POMT2: variants seen among roughly 807,000 people sequenced by gnomAD.
POMT2 encodes the protein protein O-mannosyl-transferase 2.
Under a neutral mutation model 100.0 loss-of-function variants are expected in POMT2, and 75 were observed. The observed-to-expected ratio is 0.75, with a 90% CI of 0.62 to 0.91. The LOEUF is 0.91. POMT2 is among the 40% of genes least tolerant of loss of function. The pLI is 0.00. For synonymous variants in POMT2, 378 were observed against 374.1 expected (o/e 1.01, Z -0.12); for missense variants, 940 against 955.1 (o/e 0.98, Z 0.21).
Position 77,278,764 on chromosome 14 carries a change from T to C in POMT2, c.1997A>G (p.Tyr666Cys), listed in dbSNP as rs200198778. Reference sequence around the variant, plus strand: ...GCTTGAGAAGAGCATGGCTGGGAAGTAGTGGTGGAAGTAGAGGACCCGGCC... The same window carrying C: ...GCTTGAGAAGAGCATGGCTGGGAAGCAGTGGTGGAAGTAGAGGACCCGGCC... ...LMGRVLYFHH[Y>C]FPAMLFSSML... The change falls in exon 19 of 21, where the codon TAC becomes TGC. Residue 666 changes from tyrosine (Y) to cysteine (C), a missense_variant. Transcript: ENST00000261534. 152 of 1,613,574 alleles carry C rather than the reference T, an allele frequency of 9.4e-5. No homozygotes were observed. Among genetic ancestry groups the C allele is most frequent in the Non-Finnish European group, 1.2e-4 (136 of 1,179,876 alleles).
intron 2 of POMT2, among the ~76,000 whole-genome samples, chr14:77,307,112 T>A (rs942931358): frequency 1.3e-5 from 2 of 152,242 alleles, no homozygotes; most frequent in African/African-American, 4.8e-5. Context: ...ATCGGCCGTG[T>A]CTTTTGTATA....
intron 8 of POMT2, 69 bp downstream of exon 8, chr14:77,298,620 G>T: frequency 1.3e-6 from 2 of 1,533,346 alleles, no homozygotes; most frequent in South Asian, 1.1e-5. Flanking sequence ...CATCATATTT[G>T]TCTTTTCCAA....
intron 9 of POMT2, among the ~76,000 whole-genome samples, chr14:77,295,775 T>C (rs1353440871): frequency 6.6e-6 from 1 of 152,076 alleles, no homozygotes; most frequent in Non-Finnish European, 1.5e-5. Context: ...CCACACTTTA[T>C]TCATCACCCA....
chr14:77,315,326 A>C (rs1241974314), intron 1 of POMT2, among the ~76,000 whole-genome samples: 1 of 151,642 alleles, frequency 6.6e-6, no homozygotes, highest in African/African-American at 2.4e-5. Flanking sequence ...GCTTCTCCCC[A>C]CTCCCTGCAG....
Position 77,312,014 on chromosome 14 carries a change from C to G in POMT2, c.268G>C (p.Gly90Arg). The G allele has an allele frequency of 6.2e-7, 1 of 1,613,868 alleles. No homozygotes were observed. The highest frequency in any genetic ancestry group is 1.1e-5 in the South Asian group (1 of 91,044). ...PHICWDETHF[G>R]KMGSYYINRT... ...TTGATATAGTAACTTCCCATTTTTCCAAAGTGAGTCTCATCCCAACTAAAG... is the reference window on the plus strand; with the variant it reads ...TTGATATAGTAACTTCCCATTTTTCGAAAGTGAGTCTCATCCCAACTAAAG... The change falls in exon 2 of 21, where the codon GGA (glycine) becomes CGA (arginine). Residue 90 changes from glycine to arginine, a missense_variant. Physicochemically the swap from Gly to Arg is moderately radical, Grantham distance 125. Transcript: ENST00000261534.
In POMT2 at chr14:77,277,405, G is replaced by A. The variant is rs750378912; in HGVS notation, c.2224C>T (p.Leu742=). ...AAGTCCCATGAGTCCAGCCACCTTAGTCCTGCCATTGGACTTTGGGGGTCC... is the reference window on the plus strand; with the variant it reads ...AAGTCCCATGAGTCCAGCCACCTTAATCCTGCCATTGGACTTTGGGGGTCC... ...AQDPQSPMAG[L]RWLDSWDF The change falls in exon 21 of 21, where the codon CTA becomes TTA. Residue 742 remains leucine, a synonymous_variant. Coordinates refer to ENST00000261534, the MANE Select transcript of POMT2 (RefSeq NM_013382.7). The A allele has an allele frequency of 6.2e-7, 1 of 1,613,908 alleles. No individual in the cohort carries two copies.
chr14:77,282,018 A>G (rs77071473), intron 15 of POMT2, among the ~76,000 whole-genome samples: 8,173 of 152,306 alleles, frequency 0.054, 274 homozygotes, highest in South Asian at 0.081. Flanking sequence ...CCAGGGCATC[A>G]GACACAAAGG....
chr14:77,291,480 G>C (rs540202005), intron 9 of POMT2, 100 bp from the exon 10 acceptor site: 2 of 1,503,028 alleles, frequency 1.3e-6, no homozygotes, highest in South Asian at 2.4e-5. Flanking sequence ...AACCAATGTT[G>C]CTTAAGCCAA....
In POMT2 at chr14:77,277,486, G is replaced by A. The variant is rs1339982041; in HGVS notation, c.2148-5C>T. 1 of 1,605,352 alleles carries A rather than the reference G, an allele frequency of 6.2e-7. No individual in the cohort carries two copies. The highest frequency in any genetic ancestry group is 8.5e-7 in the Non-Finnish European group (1 of 1,172,026). On this transcript the variant is annotated splice_region_variant and splice_polypyrimidine_tract_variant and intron_variant, in intron 20 of 20. Transcript: ENST00000261534. Reference sequence around the variant, plus strand: ...AGAGGGTGGAAGAGGTAGAAGCTGTGAGAGAGAACCAGTAGGAGGCAGTTG... The same window carrying A: ...AGAGGGTGGAAGAGGTAGAAGCTGTAAGAGAGAACCAGTAGGAGGCAGTTG...
chr14:77,288,442 G>A (rs956425531), intron 11 of POMT2, among the ~76,000 whole-genome samples: 5 of 152,112 alleles, frequency 3.3e-5, no homozygotes, highest in Admixed American at 6.5e-5. Context: ...AGGCTGAAGC[G>A]GGAGGATCGC....
At chr14:77,315,317 C>G (rs1044011726) in intron 1 of POMT2, among the ~76,000 whole-genome samples, 3 of 152,184 alleles carry the variant, frequency 2.0e-5, no homozygotes, top group Non-Finnish European at 4.4e-5. Context: ...GCAGAAAAAG[C>G]TTCTCCCCAC....
rs536738775 is a variant in POMT2 at position 77,276,740 on chromosome 14, G to A, written c.*636C>T. The stretch of plus-strand genomic sequence containing the variant: ...AAGTCCAGCTACCTGCAGCCACTGG[G>A]GGGCATGGTGGGAGCCAGGCCCTCC... On this transcript the variant is annotated 3_prime_UTR_variant, in exon 21 of 21. Transcript: ENST00000261534. 6.5e-6 allele frequency: 1 copy of A among 153,030 alleles called. No individual in the cohort carries two copies. The highest frequency in any genetic ancestry group is 2.4e-5 in the African/African-American group (1 of 41,590). 9.5% of individuals were successfully genotyped at this position (153,030 alleles called of 1,614,324 possible).
At chr14:77,302,463 G>A (rs1006429719) in intron 5 of POMT2, among the ~76,000 whole-genome samples, 6 of 152,236 alleles carry the variant, frequency 3.9e-5, no homozygotes, top group Middle Eastern at 3.4e-3. Context: ...GCCCTGTCCC[G>A]GGATTTCCTA....
At chr14:77,284,861 GCA>G in intron 14 of POMT2, 87 bp downstream of exon 14, 1 of 1,162,950 alleles carries the variant, frequency 8.6e-7, no homozygotes, top group Non-Finnish European at 1.3e-6. Context: ...TGAAGGGATA[GCA>G]CAGTTTACAA....
Position 77,306,435 on chromosome 14 carries a change from T to A in POMT2, c.340A>T (p.Ile114Leu), listed in dbSNP as rs535050470. The stretch of plus-strand genomic sequence containing the variant: ...CCACTCAGGTAGCCAGCAAGACCTA[T>A]CAGCATCTGAGGAGAGAAGAACAAA... ...DVHPPLGKML[I>L]GLAGYLSGYD... Residue 114 changes from isoleucine to leucine, a missense_variant, in exon 3 of 21, where the codon ATA (isoleucine) becomes TTA (leucine). Ile to Leu is a conservative substitution (Grantham distance 5). Transcript: ENST00000261534. 2 of 1,612,450 alleles carry A rather than the reference T, an allele frequency of 1.2e-6. No homozygotes were observed. The highest frequency in any genetic ancestry group is 2.7e-5 in the African/African-American group (2 of 75,002).
chr14:77,311,699 C>T (rs763659104), intron 2 of POMT2, among the ~76,000 whole-genome samples: 1 of 152,212 alleles, frequency 6.6e-6, no homozygotes, highest in Non-Finnish European at 1.5e-5. Flanking sequence ...TATTATTCCA[C>T]CATATGGCTG....
At chr14:77,306,871 G>T (rs1891247007) in intron 2 of POMT2, 1 of 231,394 alleles carries the variant, frequency 4.3e-6, no homozygotes, top group Non-Finnish European at 8.6e-6. Context: ...AGAGAGAAAA[G>T]AGACCAAGGA....
At position 77,312,051 on chromosome 14, in the gene POMT2, A is replaced by G. The variant is rs764422188; in HGVS notation, c.249-18T>C. On this transcript the variant is annotated intron_variant, in intron 1 of 20. Coordinates refer to ENST00000261534, the MANE Select transcript of POMT2 (RefSeq NM_013382.7). ...CATCCCAACTAAAGGAAACACAGAA[A>G]GAGAAACAAGAATTTTAAAATTATC... is the stretch of plus-strand genomic sequence containing the variant. 1 of 1,613,252 alleles carries G rather than the reference A, an allele frequency of 6.2e-7. No individual in the cohort carries two copies. The highest frequency in any genetic ancestry group is 2.2e-5 in the East Asian group (1 of 44,884).
At chr14:77,306,658 T>C (rs894255704) in intron 2 of POMT2, 13 of 483,968 alleles carry the variant, frequency 2.7e-5, no homozygotes, top group African/African-American at 2.0e-4. Flanking sequence ...TCTCTTGTAT[T>C]ATGGCCGAGG....
Sources: gnomAD v4.1 joint callset for allele counts (sites outside exome capture counted in the v4.1 genomes callset) on GRCh38, gnomAD v4.1.1 for gene constraint, MANE v1.5 for transcripts, NCBI Gene and HGNC (gene_info 2026-07-23, HGNC 2026-07-21) for gene names.